TEAD3: variants seen among roughly 807,000 people sequenced by gnomAD.
TEAD3 encodes transcriptional enhancer factor TEF-5.
In TEAD3, 15 loss-of-function variants were observed where a neutral mutation model predicts 55.6. The ratio of observed to expected loss-of-function variants is 0.27; its 90% confidence interval spans 0.18 to 0.42. TEAD3 has a LOEUF of 0.42. Among genes scored for constraint, TEAD3 ranks in the 10% least tolerant of loss-of-function variants. The pLI is 1.00. For synonymous variants in TEAD3, 210 were observed against 232.2 expected, an observed-to-expected ratio of 0.90 and a Z score of 0.87; for missense variants, 407 against 576.8, an observed-to-expected ratio of 0.71 and a Z score of 3.01.
At chr6:35,478,552 T>C in exon 6 of TEAD3, 1 of 1,596,160 alleles carries the variant, frequency 6.3e-7, no homozygotes, top group Non-Finnish European at 8.5e-7. Context: ...CTGAAGGGCT[T>C]TGTCCTTGGA....
chr6:35,474,774 G>A (rs544925699), downstream of TEAD3: 43 of 419,234 alleles, frequency 1.0e-4, no homozygotes, highest in African/African-American at 7.9e-4. Context: ...CTGAGGTCAC[G>A]CGAGGCTGGG....
At chr6:35,481,081 T>C (rs1768258286) in intron 3 of TEAD3, among the ~76,000 whole-genome samples, 1 of 151,698 alleles carries the variant, frequency 6.6e-6, no homozygotes, top group South Asian at 2.1e-4. Context: ...CCCCCCAATA[T>C]ACCTTCTTTC....
chr6:35,484,637 G>A lies in TEAD3; in HGVS notation c.203-13C>T. ...AACTCATTTCGGCCTAGATTGGGGT[G>A]AGAGAGAAAATGAGGAGTGGGCAAA... On this transcript the variant is annotated splice_polypyrimidine_tract_variant and intron_variant, in intron 2 of 12. Transcript: ENST00000639578. This position sits in a 1 kb window ranked among gnomAD's most constrained non-coding sequence, Gnocchi z 5.8. The A allele has an allele frequency of 6.3e-7, 1 of 1,585,922 alleles. No individual in the cohort carries two copies. The highest frequency in any genetic ancestry group is 8.6e-7 in the Non-Finnish European group (1 of 1,165,662).
intron 4 of TEAD3, among the ~76,000 whole-genome samples, chr6:35,479,583 C>T (rs1768226369): frequency 6.6e-6 from 1 of 152,176 alleles, no homozygotes; most frequent in Non-Finnish European, 1.5e-5. Flanking sequence ...GGCATGGGGG[C>T]CTGGGGGTAA....
At chr6:35,482,814 A>C (rs1077822) in intron 3 of TEAD3, among the ~76,000 whole-genome samples, 7,668 of 152,106 alleles carry the variant, frequency 0.05, 443 homozygotes, top group African/African-American at 0.14. Flanking sequence ...GCCCGTTCCC[A>C]CTCTGACTAA....
chr6:35,494,544 C>T (rs1034974892), intron 1 of TEAD3, among the ~76,000 whole-genome samples: 1 of 152,196 alleles, frequency 6.6e-6, no homozygotes, highest in Admixed American at 6.5e-5. Context: ...GAGGCAGATC[C>T]TCAGGGCCAC....
exon 8 of TEAD3, chr6:35,477,332 G>A (rs921776509): frequency 6.2e-7 from 1 of 1,606,388 alleles, no homozygotes; most frequent in Non-Finnish European, 8.5e-7. Context: ...GGCGGCAGGG[G>A]CGGCTGGATG....
chr6:35,479,443 G>A, intron 4 of TEAD3, 127 bp from the exon 5 acceptor site: 2 of 1,205,980 alleles, frequency 1.7e-6, no homozygotes, highest in Non-Finnish European at 2.4e-6. Context: ...GCCCAAGGAA[G>A]CTCAGCAGAC....
At chr6:35,477,233 AAC>A (rs1279814023) in intron 8 of TEAD3, 76 bp downstream of exon 8, 25 of 1,516,482 alleles carry the variant, frequency 1.6e-5, no homozygotes, top group Non-Finnish European at 2.1e-5. Flanking sequence ...TCCCAAAGCA[AAC>A]ACACACAGTT....
rs1427714886 is a variant in TEAD3 at position 35,496,776 on chromosome 6, T to G, written c.-50+122A>C. 2 of 151,986 alleles carry G rather than the reference T, an allele frequency of 1.3e-5. No homozygotes were observed. Among genetic ancestry groups the G allele is most frequent in the Admixed American group, 1.3e-4 (2 of 15,264 alleles). The allele number at this position is 151,986 out of a possible 1,614,324, so 9.4% of individuals were successfully genotyped here. On this transcript the variant is annotated intron_variant, in intron 1 of 12. Transcript: ENST00000639578. The surrounding 1 kb of genome is among the most constrained non-coding windows in gnomAD (Gnocchi z 4.8). Reference sequence around the variant, plus strand: ...CGGCACCCCGATCCGGGGCTCCAGCTCCGGCTGGACAATAGCTCGGGGACC... The same window carrying G: ...CGGCACCCCGATCCGGGGCTCCAGCGCCGGCTGGACAATAGCTCGGGGACC...
exon 9 of TEAD3, chr6:35,476,344 C>T: frequency 6.2e-7 from 1 of 1,612,622 alleles, no homozygotes; most frequent in Non-Finnish European, 8.5e-7. Context: ...CTGAATACTC[C>T]AGGAGCCGCA....
In TEAD3 at chr6:35,483,410, C is replaced by T. The variant is rs9462091; in HGVS notation, c.267+1150G>A. On this transcript the variant is annotated intron_variant, in intron 3 of 12. Coordinates refer to ENST00000639578, the Ensembl canonical transcript of TEAD3. The surrounding 1 kb of genome is among the most constrained non-coding windows in gnomAD (Gnocchi z 4.5). ...GGTCCCGCCTCCAGCCTGGCCTCTC[C>T]CCCAGGCAGTGGGGCCATCACTCCC... 0.29 allele frequency among the ~76,000 whole-genome samples: 43,619 copies of T among 152,004 alleles called. 10,763 individuals are homozygous for T. The highest frequency in any genetic ancestry group is 0.67 in the African/African-American group (27,646 of 41,380).
chr6:35,478,572 C>G lies in TEAD3; in HGVS notation c.343-1G>C. On this transcript the variant is annotated splice_acceptor_variant, in intron 5 of 12. Coordinates refer to ENST00000639578, the Ensembl canonical transcript of TEAD3. LOFTEE classifies it high-confidence loss of function. ...GGGCTTTGTCCTTGGAGACCTGGTC[C>G]TGGGGAGAGGAGGCTGCATGAAGCC... 1.3e-6 allele frequency: 2 copies of G among 1,584,820 alleles called. No individual in the cohort carries two copies. Among genetic ancestry groups the G allele is most frequent in the Non-Finnish European group, 1.7e-6 (2 of 1,165,790 alleles).
At chr6:35,487,185 C>T (rs996589588) in intron 1 of TEAD3, among the ~76,000 whole-genome samples, 6 of 152,092 alleles carry the variant, frequency 3.9e-5, no homozygotes, top group East Asian at 3.8e-4. Context: ...TTTGGGAGGC[C>T]GAGGTGGGTG....
chr6:35,476,239 G>T, intron 9 of TEAD3, 63 bp downstream of exon 9: 1 of 1,573,612 alleles, frequency 6.4e-7, no homozygotes, highest in East Asian at 2.3e-5. Context: ...TTGCAGCCCT[G>T]GATCACCCGG....
chr6:35,479,037 G>A (rs1380617558), intron 5 of TEAD3, among the ~76,000 whole-genome samples: 2 of 151,998 alleles, frequency 1.3e-5, no homozygotes, highest in Non-Finnish European at 2.9e-5. Context: ...TCGTCACCAT[G>A]CCTGGCTAAT....
At chr6:35,478,877 CTTT>C (rs67071124) in intron 5 of TEAD3, among the ~76,000 whole-genome samples, 10 of 106,728 alleles carry the variant, frequency 9.4e-5, no homozygotes, top group African/African-American at 1.4e-4. Flanking sequence ...CTCCTATTTT[CTTT>C]TTTTTTTTTT....
At position 35,479,158 on chromosome 6, in the gene TEAD3, G is replaced by A. The variant is rs182185023; in HGVS notation, c.342+147C>T. 3.3e-5 allele frequency: 34 copies of A among 1,027,260 alleles called. No individual in the cohort carries two copies. In the East Asian group the frequency reaches 5.7e-4, roughly 17 times the overall value. 63.6% of individuals were successfully genotyped at this position (1,027,260 alleles called of 1,614,324 possible). ...CTCCCAAAGTGCTGGGATTACAGGCGTGAGCCACCACGCCCAGCCATTTCG... is the reference window on the plus strand; with the variant it reads ...CTCCCAAAGTGCTGGGATTACAGGCATGAGCCACCACGCCCAGCCATTTCG... On this transcript the variant is annotated intron_variant, in intron 5 of 12. Coordinates refer to ENST00000639578, the Ensembl canonical transcript of TEAD3.
intron 1 of TEAD3, among the ~76,000 whole-genome samples, chr6:35,495,623 G>A (rs1273975117): frequency 2.0e-5 from 3 of 152,144 alleles, no homozygotes; most frequent in Non-Finnish European, 4.4e-5. Flanking sequence ...TACGAGAGGG[G>A]TCTTGGTGGG....
Sources: allele counts gnomAD v4.1 joint callset (sites outside exome capture counted in the v4.1 genomes callset), GRCh38; gene constraint gnomAD v4.1.1; non-coding constraint Gnocchi (gnomAD v3.1); transcripts MANE v1.5; gene names NCBI Gene and HGNC (gene_info 2026-07-23, HGNC 2026-07-21).